PRRC2A: variants seen among roughly 807,000 people sequenced by gnomAD.
The protein encoded by PRRC2A is protein PRRC2A.
Under a neutral mutation model 224.6 loss-of-function variants are expected in PRRC2A, and 59 were observed. The observed-to-expected ratio is 0.26, with a 90% CI of 0.21 to 0.33. The LOEUF is 0.33. PRRC2A is among the 10% of genes least tolerant of loss of function. PRRC2A has a pLI of 1.00. For synonymous variants in PRRC2A, 1,194 were observed against 1,109.5 expected (o/e 1.08, Z -1.51); for missense variants, 3,095 against 2,880.7 (o/e 1.07, Z -1.70).
intron 24 of PRRC2A, 62 bp downstream of exon 24, chr6:31,635,811 T>C (rs1341237779): frequency 2.0e-6 from 3 of 1,517,192 alleles, no homozygotes; most frequent in African/African-American, 1.4e-5. Flanking sequence ...CTGCCTGGTA[T>C]GTATTTATAA....
Position 31,627,945 on chromosome 6 carries a change from A to G in PRRC2A, c.1471A>G (p.Lys491Glu). The G allele has an allele frequency of 6.2e-7, 1 of 1,613,072 alleles. No homozygotes were observed. Among genetic ancestry groups the G allele is most frequent in the Non-Finnish European group, 8.5e-7 (1 of 1,180,036 alleles). The change falls in exon 12 of 31, where the codon AAG (lysine) becomes GAG (glutamate). Residue 491 changes from lysine to glutamate, a missense_variant. Lys to Glu is a moderately conservative substitution (Grantham distance 56). Transcript: ENST00000376033. This position sits in a 1 kb window ranked among gnomAD's most constrained non-coding sequence, Gnocchi z 5.6. ...CCGGGCAGCCTGTGCTGAGAAGCTC[A>G]AGCGACTCGATGAAAAGTTTGGGGC... ...ERRAACAEKL[K>E]RLDEKFGAPD...
At chr6:31,621,422 C>T (rs180990288) in intron 1 of PRRC2A, among the ~76,000 whole-genome samples, 92 of 152,250 alleles carry the variant, frequency 6.0e-4, no homozygotes, top group Non-Finnish European at 1.1e-3. Context: ...TGTTCCTCGT[C>T]TCCTTTCTCC....
At position 31,631,226 on chromosome 6, in the gene PRRC2A, C is replaced by A. The variant is rs749396606; in HGVS notation, c.2553C>A (p.Ile851=). The change falls in exon 16 of 31, where the codon ATC becomes ATA. Residue 851 remains isoleucine, a synonymous_variant. Transcript: ENST00000376033. The surrounding 1 kb of genome is among the most constrained non-coding windows in gnomAD (Gnocchi z 4.5). ...AGAATGGAGCCCCTGGGCCCCCAAT[C>A]TCTCGCTTTCCTCTGGAGGAACCAG... The part of the protein sequence containing the change: ...FPENGAPGPP[I]SRFPLEEPGP... The A allele has an allele frequency of 5.0e-6, 8 of 1,609,492 alleles. No individual in the cohort carries two copies. Among genetic ancestry groups the A allele is most frequent in the South Asian group, 4.4e-5 (4 of 90,704 alleles).
At chr6:31,637,389 C>T (rs1473795619) in intron 30 of PRRC2A, 57 bp from the exon 31 acceptor site, 23 of 1,598,272 alleles carry the variant, frequency 1.4e-5, no homozygotes, top group East Asian at 8.9e-5. Context: ...CCTGTCCTTC[C>T]GTCTCATCGC....
In PRRC2A at chr6:31,634,276, C is replaced by T; in HGVS notation, c.4760C>T (p.Ser1587Phe). 1 of 1,602,324 alleles carries T rather than the reference C, an allele frequency of 6.2e-7. No homozygotes were observed. The highest frequency in any genetic ancestry group is 8.5e-7 in the Non-Finnish European group (1 of 1,177,526). Residue 1587 changes from serine to phenylalanine, a missense_variant, in exon 19 of 31, where the codon TCT becomes TTT. Ser to Phe is a radical substitution (Grantham distance 155). Coordinates refer to ENST00000376033, the MANE Select transcript of PRRC2A (RefSeq NM_004638.4). ...PPPHSSGFLG[S>F]KPEGPGPQAE... ...CCTCATAGCTCTGGATTCTTGGGCT[C>T]TAAGCCTGAGGGCCCAGGCCCTCAG... is the stretch of plus-strand genomic sequence containing the variant.
chr6:31,621,157 G>A (rs907847330), intron 1 of PRRC2A, among the ~76,000 whole-genome samples: 1 of 152,104 alleles, frequency 6.6e-6, no homozygotes, highest in African/African-American at 2.4e-5. Context: ...CCTCCGCTGC[G>A]CTCCTGGCTT....
chr6:31,633,716 G>A, intron 17 of PRRC2A, 69 bp downstream of exon 17: 1 of 1,544,804 alleles, frequency 6.5e-7, no homozygotes, highest in Non-Finnish European at 8.7e-7. Flanking sequence ...GAGGGAGCGG[G>A]TGGAGAACCT....
rs375305163 is a variant in PRRC2A, at chr6:31,634,703, T to C, written c.4936-50T>C. 5.7e-6 allele frequency: 9 copies of C among 1,576,770 alleles called. No individual in the cohort carries two copies. In the African/African-American group the frequency reaches 1.1e-4, roughly 19 times the overall value. On this transcript the variant is annotated intron_variant, in intron 20 of 30. Transcript: ENST00000376033. ...TTGTATGTGTGCATCAGTCAGGTAT[T>C]GGGGTGCTTTCTACCCTGACTTAAC...
intron 14 of PRRC2A, 81 bp downstream of exon 14, chr6:31,629,926 T>C: frequency 1.3e-6 from 2 of 1,568,492 alleles, no homozygotes; most frequent in African/African-American, 1.4e-5. Context: ...ACTGTGACTC[T>C]GGTACGATAG....
chr6:31,636,480 G>A lies in PRRC2A; in HGVS notation c.5836-30G>A. ...GGGTAGGGAGAATGATTTTGTGGGGGTTGATATATTTCTCCCTGTTTCCCG... is the reference window on the plus strand; with the variant it reads ...GGGTAGGGAGAATGATTTTGTGGGGATTGATATATTTCTCCCTGTTTCCCG... On this transcript the variant is annotated intron_variant, in intron 26 of 30. Coordinates refer to ENST00000376033, the MANE Select transcript of PRRC2A (RefSeq NM_004638.4). The surrounding 1 kb of genome is among the most constrained non-coding windows in gnomAD (Gnocchi z 4.3). 6.2e-7 allele frequency: 1 copy of A among 1,608,866 alleles called. No individual in the cohort carries two copies. Among genetic ancestry groups the A allele is most frequent in the East Asian group, 2.2e-5 (1 of 44,772 alleles).
Position 31,632,112 on chromosome 6 carries a change from T to G in PRRC2A, c.3439T>G (p.Ser1147Ala). 1 of 1,552,398 alleles carries G rather than the reference T, an allele frequency of 6.4e-7. No homozygotes were observed. The highest frequency in any genetic ancestry group is 8.7e-7 in the Non-Finnish European group (1 of 1,148,622). Residue 1147 changes from serine (S) to alanine (A), a missense_variant, in exon 16 of 31, where the codon TCA becomes GCA. Physicochemically the swap from Ser to Ala is moderately conservative, Grantham distance 99 (BLOSUM62 1). This residue lies in a region of PRRC2A where 2,001 missense variants were observed against 1,764.9 expected (regional missense o/e 1.13). Coordinates refer to ENST00000376033, the MANE Select transcript of PRRC2A (RefSeq NM_004638.4). The stretch of plus-strand genomic sequence containing the variant: ...TCCCCCACCACCAGGAGCCCCACCT[T>G]CACCAGCCCCAGCCCGCTTCACTGC... The part of the protein sequence containing the change: ...LAPPPPGAPP[S>A]PAPARFTARG...
Position 31,630,570 on chromosome 6 carries a change from C to A in PRRC2A, c.2255-21C>A, listed in dbSNP as rs756603600. 5.6e-6 allele frequency: 9 copies of A among 1,612,706 alleles called. No individual in the cohort carries two copies. In the Admixed American group the frequency reaches 1.3e-4, roughly 24 times the overall value. The stretch of plus-strand genomic sequence containing the variant: ...TTGTGACATGAATAGGATTATTTTT[C>A]TTTTTCTTTGGTTTCTTCAGGCCTA... On this transcript the variant is annotated intron_variant, in intron 14 of 30. Transcript: ENST00000376033.
rs17207239 is a variant in PRRC2A at position 31,635,117 on chromosome 6, G to A, written c.5161-15G>A. 6.2e-7 allele frequency: 1 copy of A among 1,613,118 alleles called. No individual in the cohort carries two copies. The highest frequency in any genetic ancestry group is 1.3e-5 in the African/African-American group (1 of 74,902). On this transcript the variant is annotated splice_polypyrimidine_tract_variant and intron_variant, in intron 21 of 30. Coordinates refer to ENST00000376033, the MANE Select transcript of PRRC2A (RefSeq NM_004638.4). ...TTTCCCTCCCCCAATGCACTTTACT[G>A]TGTGCCCAATCCAGGAGCTGCCCCG...
Position 31,634,456 on chromosome 6 carries a change from G to T in PRRC2A, c.4850-16G>T. Reference sequence around the variant, plus strand: ...CATCTCCTCACTTCTCTTCTGGTTGGTGCTCCCTTCTCCAGCCACTAGCCG... The same window carrying T: ...CATCTCCTCACTTCTCTTCTGGTTGTTGCTCCCTTCTCCAGCCACTAGCCG... On this transcript the variant is annotated splice_polypyrimidine_tract_variant and intron_variant, in intron 19 of 30. Transcript: ENST00000376033. The T allele has an allele frequency of 1.2e-6, 2 of 1,612,758 alleles. No individual in the cohort carries two copies. The highest frequency in any genetic ancestry group is 8.5e-7 in the Non-Finnish European group (1 of 1,179,880).
chr6:31,625,684 G>A lies in PRRC2A; in HGVS notation c.759+73G>A. 1 of 1,596,466 alleles carries A rather than the reference G, an allele frequency of 6.3e-7. No individual in the cohort carries two copies. The highest frequency in any genetic ancestry group is 8.6e-7 in the Non-Finnish European group (1 of 1,164,324). On this transcript the variant is annotated intron_variant, in intron 7 of 30. Coordinates refer to ENST00000376033, the MANE Select transcript of PRRC2A (RefSeq NM_004638.4). The surrounding 1 kb of genome is among the most constrained non-coding windows in gnomAD (Gnocchi z 4.1). ...AGCTAGGAATCAGGACTTAGTCTTTGACCTATGAGATAGAAGGGAGGGTGG... is the reference window on the plus strand; with the variant it reads ...AGCTAGGAATCAGGACTTAGTCTTTAACCTATGAGATAGAAGGGAGGGTGG...
Position 31,636,811 on chromosome 6 carries a change from C to CA in PRRC2A, c.6013_6014insA (p.Pro2005HisfsTer40). ...GCCGCCAGCACCACCTCCTGCCCCA[C>CA]CTCCCCTTTCTCTGTTACCTGTGGG... On this transcript the variant is annotated frameshift_variant, in exon 28 of 31. Transcript: ENST00000376033. LOFTEE classifies it high-confidence loss of function. This position sits in a 1 kb window ranked among gnomAD's most constrained non-coding sequence, Gnocchi z 4.3. 6.2e-7 allele frequency: 1 copy of CA among 1,610,712 alleles called. No individual in the cohort carries two copies. The highest frequency in any genetic ancestry group is 2.2e-5 in the East Asian group (1 of 44,882).
rs202184398 is a variant in PRRC2A at position 31,629,735 on chromosome 6, C to G, written c.2144C>G (p.Pro715Arg). 771 of 1,610,574 alleles carry G rather than the reference C, an allele frequency of 4.8e-4. 1 individual carries two copies. The highest frequency in any genetic ancestry group is 3.7e-4 in the Non-Finnish European group (438 of 1,178,006). The change falls in exon 14 of 31, where the codon CCC (proline) becomes CGC (arginine). Residue 715 changes from proline to arginine, a missense_variant. Coordinates refer to ENST00000376033, the MANE Select transcript of PRRC2A (RefSeq NM_004638.4). ...GCTCTGGGCCGGCCCCCACCCATGC[C>G]CCCAATGAACTTTGATCCCCGATGG... is the stretch of plus-strand genomic sequence containing the variant. ...PGALGRPPPM[P>R]PMNFDPRWMM... is the part of the protein sequence containing the mutation.
In PRRC2A at chr6:31,632,987, C is replaced by T; in HGVS notation, c.4314C>T (p.Asn1438=). The T allele has an allele frequency of 6.4e-7, 1 of 1,562,830 alleles. No individual in the cohort carries two copies. Among genetic ancestry groups the T allele is most frequent in the Non-Finnish European group, 8.7e-7 (1 of 1,155,224 alleles). ...AGAGGAGCTGGCCCTCTCCCAAGAA[C>T]CGAAGGTGGGTAGGAACAAACAAAT... ...GDKRSWPSPK[N]RSRPPEERPP... Residue 1438 remains asparagine, a synonymous_variant, in exon 16 of 31, where the codon AAC becomes AAT. Transcript: ENST00000376033.
rs1361181306 is a variant in PRRC2A at position 31,631,266 on chromosome 6, C to T, written c.2593C>T (p.Pro865Ser). Reference protein sequence around the residue: ...PLEEPGPRPLPWPPGSDEVAK... With the variant: ...PLEEPGPRPLSWPPGSDEVAK... ...GGAGGAACCAGGGCCCCGTCCACTC[C>T]CCTGGCCCCCAGGCAGTGATGAAGT... Residue 865 changes from proline (P) to serine (S), a missense_variant, in exon 16 of 31, where the codon CCC becomes TCC. Physicochemically the swap from Pro to Ser is moderately conservative, Grantham distance 74. Around this residue, in one of 8 missense-constraint regions of PRRC2A, gnomAD observed 2,001 missense variants for 1,764.9 expected, o/e 1.13. Coordinates refer to ENST00000376033, the MANE Select transcript of PRRC2A (RefSeq NM_004638.4). This position sits in a 1 kb window ranked among gnomAD's most constrained non-coding sequence, Gnocchi z 4.5. 1 of 1,612,332 alleles carries T rather than the reference C, an allele frequency of 6.2e-7. No individual in the cohort carries two copies. The highest frequency in any genetic ancestry group is 1.3e-5 in the African/African-American group (1 of 74,888).
Sources: allele counts gnomAD v4.1 joint callset (sites outside exome capture counted in the v4.1 genomes callset), GRCh38; gene constraint gnomAD v4.1.1; regional missense constraint gnomAD v4.1.1; non-coding constraint Gnocchi (gnomAD v3.1); transcripts MANE v1.5; gene names NCBI Gene and HGNC (gene_info 2026-07-23, HGNC 2026-07-21).